The following CREBZF variants were observed in gnomAD, a reference collection of about 807,000 sequenced individuals.
The protein encoded by CREBZF is CREB/ATF bZIP transcription factor.
In CREBZF, 8 loss-of-function variants were observed where a neutral mutation model predicts 21.1. The ratio of observed to expected loss-of-function variants is 0.38; its 90% CI spans 0.22 to 0.68. The LOEUF is 0.68. CREBZF is among the 30% of genes least tolerant of loss of function. CREBZF has a pLI of 0.51. For missense variants in CREBZF, 518 were observed against 484.3 expected, an observed-to-expected ratio of 1.07 and a Z score of -0.65; for synonymous variants, 270 against 223.3, an observed-to-expected ratio of 1.21 and a Z score of -1.86.
chr11:85,663,808 A>C lies in CREBZF; in HGVS notation c.*3T>G, dbSNP rs1591480571. On this transcript the variant is annotated 3_prime_UTR_variant, in exon 1 of 1. Transcript: ENST00000527447. ...ACGCGGATAAAGAGCAGATTACTTG[A>C]CCCTACATTTTAAGAGAAGACGACG... 6.3e-7 allele frequency: 1 copy of C among 1,594,672 alleles called. No homozygotes were observed. Among genetic ancestry groups the C allele is most frequent in the Non-Finnish European group, 8.5e-7 (1 of 1,173,048 alleles).
upstream of CREBZF, among the ~76,000 whole-genome samples, chr11:85,665,511 G>A (rs2082847771): frequency 6.8e-6 from 1 of 146,822 alleles, no homozygotes; most frequent in South Asian, 2.2e-4. Flanking sequence ...ATTAACAATC[G>A]TTTACTAATA....
upstream of CREBZF, among the ~76,000 whole-genome samples, chr11:85,667,593 T>A (rs537848408): frequency 5.3e-4 from 80 of 152,338 alleles, no homozygotes; most frequent in East Asian, 1.3e-3. Context: ...CAACTTTTTT[T>A]AAAAATCATT....
upstream of CREBZF, among the ~76,000 whole-genome samples, chr11:85,667,126 G>A (rs1188051912): frequency 3.9e-5 from 6 of 151,998 alleles, no homozygotes; most frequent in Non-Finnish European, 5.9e-5. Context: ...TTGGGAGGCC[G>A]AGGCAAGAGG....
upstream of CREBZF, among the ~76,000 whole-genome samples, chr11:85,665,554 C>T (rs1228470449): frequency 1.3e-5 from 2 of 149,146 alleles, no homozygotes; most frequent in African/African-American, 5.0e-5. Flanking sequence ...TAGATGTCCT[C>T]AGTTGGATAA....
chr11:85,673,377 G>A (rs555955734), intron 1 of CREBZF, among the ~76,000 whole-genome samples: 1 of 152,268 alleles, frequency 6.6e-6, no homozygotes, highest in Admixed American at 6.5e-5. Context: ...TCATAATAAA[G>A]TGAGTCATGT....
rs954714633 is a variant in CREBZF at position 85,664,945 on chromosome 11, G to C, written c.-70C>G. 4 of 1,168,386 alleles carry C rather than the reference G, an allele frequency of 3.4e-6. No individual in the cohort carries two copies. In the African/African-American group the frequency reaches 6.5e-5, roughly 19 times the overall value. 72.4% of individuals were successfully genotyped at this position (1,168,386 alleles called of 1,614,324 possible). On this transcript the variant is annotated 5_prime_UTR_variant, in exon 1 of 1. Transcript: ENST00000527447. The surrounding 1 kb of genome is among the most constrained non-coding windows in gnomAD (Gnocchi z 5.5). Reference sequence around the variant, plus strand: ...GGCCTCACGGGCCCCAAGGATCCCAGGCCCCAGGGCGGGTAGCCCCCGGCA... The same window carrying C: ...GGCCTCACGGGCCCCAAGGATCCCACGCCCCAGGGCGGGTAGCCCCCGGCA...
Position 85,664,546 on chromosome 11 carries a change from G to A in CREBZF, c.330C>T (p.Leu110=), listed in dbSNP as rs564237289. 6.9e-5 allele frequency: 111 copies of A among 1,613,922 alleles called. No homozygotes were observed. In the Middle Eastern group the frequency reaches 2.3e-3, roughly 34 times the overall value. ...GCCAGTCCGGTTGCCTGGGGTCCAG[G>A]AGATCCGCCAGTTCCAGCCCAGACA... ...DFLSGLELAD[L]LDPRQPDWHL... Residue 110 remains leucine, a synonymous_variant, in exon 1 of 1, where the codon CTC becomes CTT. Coordinates refer to ENST00000527447, the MANE Select transcript of CREBZF (RefSeq NM_001039618.4). The surrounding 1 kb of genome is among the most constrained non-coding windows in gnomAD (Gnocchi z 5.5).
chr11:85,661,901 T>C lies in CREBZF; in HGVS notation c.*1910A>G, dbSNP rs978520724. ...TGTTTCAAAAAAGCTACATTTAACA[T>C]ATTTCATAAAGATAGCACAAATTAG... On this transcript the variant is annotated 3_prime_UTR_variant, in exon 1 of 1. Coordinates refer to ENST00000527447, the MANE Select transcript of CREBZF (RefSeq NM_001039618.4). 6.6e-6 allele frequency: 1 copy of C among 151,530 alleles called. No individual in the cohort carries two copies. Among genetic ancestry groups the C allele is most frequent in the Non-Finnish European group, 1.5e-5 (1 of 67,796 alleles). The allele number at this position is 151,530 out of a possible 1,614,324, so 9.4% of individuals were successfully genotyped here. A position where few individuals can be genotyped will look rare whatever the true frequency, so the allele number is the denominator to read the frequency against.
At chr11:85,672,322 C>T (rs2082917092) in intron 1 of CREBZF, among the ~76,000 whole-genome samples, 1 of 152,192 alleles carries the variant, frequency 6.6e-6, no homozygotes, top group Admixed American at 6.5e-5. Flanking sequence ...GGTGGGGCTG[C>T]CTCGAAGGTC....
In CREBZF at chr11:85,664,683, C is replaced by G; in HGVS notation, c.193G>C (p.Ala65Pro). The change falls in exon 1 of 1, where the codon GCC (alanine) becomes CCC (proline). Residue 65 changes from alanine to proline, a missense_variant. Around this residue, in one of 3 missense-constraint regions of CREBZF, gnomAD observed 396 missense variants for 324.4 expected, o/e 1.22. Transcript: ENST00000527447. The surrounding 1 kb of genome is among the most constrained non-coding windows in gnomAD (Gnocchi z 5.5). ...QQFGDEGELE[A>P]GRGSRGGVAV... ...ACGCCGCCGCGGCTCCCCCTCCCGG[C>G]TTCCAACTCTCCTTCGTCGCCAAAC... The G allele has an allele frequency of 6.2e-7, 1 of 1,604,940 alleles. No individual in the cohort carries two copies. Among genetic ancestry groups the G allele is most frequent in the East Asian group, 2.2e-5 (1 of 44,812 alleles).
Position 85,663,880 on chromosome 11 carries a change from G to C in CREBZF, c.996C>G (p.Asp332Glu), listed in dbSNP as rs377275449. ...DSAGGVCLHVDKDKVSVEFCS... is the reference protein window; with the variant it reads ...DSAGGVCLHVEKDKVSVEFCS... ...AGAACTCCACCGACACCTTATCCTT[G>C]TCCACATGGAGACAGACTCCTCCCG... is the stretch of plus-strand genomic sequence containing the variant. The change falls in exon 1 of 1, where the codon GAC (aspartate) becomes GAG (glutamate). Residue 332 changes from aspartate to glutamate, a missense_variant. Around this residue, in one of 3 missense-constraint regions of CREBZF, gnomAD observed 114 missense variants for 134.1 expected, o/e 0.85. Coordinates refer to ENST00000527447, the MANE Select transcript of CREBZF (RefSeq NM_001039618.4). 7.6e-5 allele frequency: 123 copies of C among 1,612,144 alleles called. No homozygotes were observed. The highest frequency in any genetic ancestry group is 9.4e-5 in the Non-Finnish European group (111 of 1,179,984).
chr11:85,663,635 T>C lies in CREBZF; in HGVS notation c.*176A>G. On this transcript the variant is annotated 3_prime_UTR_variant, in exon 1 of 1. Transcript: ENST00000527447. ...GAGATTTAATAGTCACATGTTATCA[T>C]TAGGAGTTGGTTACTGTGTCACATT... 2.5e-6 allele frequency: 4 copies of C among 1,584,802 alleles called. No individual in the cohort carries two copies. Among genetic ancestry groups the C allele is most frequent in the South Asian group, 2.3e-5 (2 of 88,362 alleles).
Position 85,659,001 on chromosome 11 carries a change from A to G in CREBZF, c.*4810T>C, listed in dbSNP as rs1332118537. On this transcript the variant is annotated 3_prime_UTR_variant, in exon 1 of 1. Coordinates refer to ENST00000527447, the MANE Select transcript of CREBZF (RefSeq NM_001039618.4). ...GAGAGTACTGAGGCTACACAGAGGT[A>G]CTGAAATTCAAATCTGAAAAATACT... Among the ~76,000 whole-genome samples the G allele has an allele frequency of 6.6e-6, 1 of 152,058 alleles. No individual in the cohort carries two copies. Among genetic ancestry groups the G allele is most frequent in the African/African-American group, 2.4e-5 (1 of 41,458 alleles).
At position 85,658,417 on chromosome 11, in the gene CREBZF, T is replaced by C. The variant is rs979634735; in HGVS notation, c.*5394A>G. Among the ~76,000 whole-genome samples, 6 of 152,052 alleles carry C rather than the reference T, an allele frequency of 3.9e-5. No homozygotes were observed. Among genetic ancestry groups the C allele is most frequent in the African/African-American group, 1.4e-4 (6 of 41,442 alleles). ...ACATATTTTTAAATTATCTTTTCCA[T>C]TAGCAGAAATGGGCAACATAAGCAA... On this transcript the variant is annotated 3_prime_UTR_variant, in exon 1 of 1. Transcript: ENST00000527447.
At chr11:85,680,165 G>A (rs2082967587) in intron 1 of CREBZF, among the ~76,000 whole-genome samples, 1 of 152,048 alleles carries the variant, frequency 6.6e-6, no homozygotes, top group Admixed American at 6.5e-5. Context: ...ACAGAATATA[G>A]TATAATATGG....
intron 1 of CREBZF, among the ~76,000 whole-genome samples, chr11:85,673,238 A>G (rs2082923567): frequency 6.6e-6 from 1 of 152,230 alleles, no homozygotes; most frequent in Non-Finnish European, 1.5e-5. Context: ...TCTATAGCAG[A>G]GAATTGGAGC....
chr11:85,674,977 C>A (rs1162292479), intron 1 of CREBZF, among the ~76,000 whole-genome samples: 1 of 152,244 alleles, frequency 6.6e-6, no homozygotes, highest in Non-Finnish European at 1.5e-5. Flanking sequence ...AGTTTCCTCA[C>A]CTCTTTCAGC....
chr11:85,664,366 G>C lies in CREBZF; in HGVS notation c.510C>G (p.Ile170Met), dbSNP rs764161510. The change falls in exon 1 of 1, where the codon ATC becomes ATG. Residue 170 changes from isoleucine to methionine, a missense_variant. Around this residue, in one of 3 missense-constraint regions of CREBZF, gnomAD observed 396 missense variants for 324.4 expected, o/e 1.22. Transcript: ENST00000527447. The surrounding 1 kb of genome is among the most constrained non-coding windows in gnomAD (Gnocchi z 5.5). The part of the protein sequence containing the change: ...SDLLQRLLNG[I>M]GGCSSSSDSG... ...TGTCACTGCTGCTGCTGCAGCCTCC[G>C]ATACCGTTTAACAGCCTTTGCAGCA... 3 of 1,613,658 alleles carry C rather than the reference G, an allele frequency of 1.9e-6. No homozygotes were observed. The South Asian group carries it at 3.3e-5, about 18-fold the overall frequency.
chr11:85,664,690 C>T lies in CREBZF; in HGVS notation c.186G>A (p.Glu62=), dbSNP rs531196201. Residue 62 remains glutamate (E), a synonymous_variant, in exon 1 of 1, where the codon GAG becomes GAA. Coordinates refer to ENST00000527447, the MANE Select transcript of CREBZF (RefSeq NM_001039618.4). The surrounding 1 kb of genome is among the most constrained non-coding windows in gnomAD (Gnocchi z 5.5). ...CGCGGCTCCCCCTCCCGGCTTCCAA[C>T]TCTCCTTCGTCGCCAAACTGCTGCT... ...GRKQQFGDEG[E]LEAGRGSRGG... The T allele has an allele frequency of 1.1e-5, 17 of 1,604,828 alleles. No homozygotes were observed. The African/African-American group carries it at 2.3e-4, about 22-fold the overall frequency.
Sources: gnomAD v4.1 joint callset for allele counts (sites outside exome capture counted in the v4.1 genomes callset) on GRCh38, gnomAD v4.1.1 for gene constraint, gnomAD v4.1.1 regional missense constraint, Gnocchi (gnomAD v3.1) non-coding constraint, MANE v1.5 for transcripts, NCBI Gene and HGNC (gene_info 2026-07-23, HGNC 2026-07-21) for gene names.